The following VSIG4 variants were observed in gnomAD, a reference collection of about 807,000 sequenced individuals.
VSIG4 encodes V-set and immunoglobulin domain containing 4, also known as V-set and immunoglobulin domain-containing protein 4.
A neutral mutation model predicts 23.4 loss-of-function variants in VSIG4; 34 were observed. The ratio of observed to expected loss-of-function variants is 1.45; its 90% CI spans 1.10 to 1.93. The LOEUF (loss-of-function observed/expected upper bound fraction) is 1.93. VSIG4 is among the 30% of genes most tolerant of loss of function. The probability of loss-of-function intolerance (pLI) is 0.00; values close to 1 mark genes in which losing one functional copy is unlikely to be tolerated. For synonymous variants in VSIG4, 169 were observed against 120.3 expected (o/e 1.41, Z -2.65); for missense variants, 433 against 310.8 (o/e 1.39, Z -2.96).
At chrX:66,035,852 G>T (rs1316134165) in intron 1 of VSIG4, among the ~76,000 whole-genome samples, 6 of 112,354 alleles carry the variant, frequency 5.3e-5, no homozygotes, top group Non-Finnish European at 1.1e-4. Flanking sequence ...GCAGCATTCT[G>T]CTGTGAGTTG....
chrX:66,029,477 A>G (rs1415681160), intron 3 of VSIG4, among the ~76,000 whole-genome samples: 2 of 111,726 alleles, frequency 1.8e-5, no homozygotes, highest in Non-Finnish European at 3.8e-5. Flanking sequence ...GTAGACAGGT[A>G]GAATTCTGCA....
chrX:66,025,086 C>A lies in VSIG4; in HGVS notation c.879G>T (p.Leu293Phe), dbSNP rs770459645. The A allele has an allele frequency of 2.3e-5, 28 of 1,205,268 alleles. No individual in the cohort carries two copies. Among genetic ancestry groups the A allele is most frequent in the Non-Finnish European group, 3.1e-5 (28 of 892,525 alleles). Residue 293 changes from leucine to phenylalanine, a missense_variant, in exon 6 of 8, where the codon TTG becomes TTT. By Grantham distance (22) the Leu-to-Phe change is conservative (BLOSUM62 0). Coordinates refer to ENST00000374737, the MANE Select transcript of VSIG4 (RefSeq NM_007268.3). The stretch of plus-strand genomic sequence containing the variant: ...CCATGGTAAAAACCACCATACAGCA[C>A]AAGGAGATGATGAGGATGATGGCAA... Reference protein sequence around the residue: ...PVFAIILIISLCCMVVFTMAY... With the variant: ...PVFAIILIISFCCMVVFTMAY...
At chrX:66,032,439 G>T in intron 3 of VSIG4, 29 bp downstream of exon 3, 1 of 1,195,900 alleles carries the variant, frequency 8.4e-7, no homozygotes, top group Non-Finnish European at 1.1e-6. Context: ...TGTGTGTTAA[G>T]ATGCTCACCA....
chrX:66,025,214 A>G, intron 5 of VSIG4, 85 bp from the exon 6 acceptor site: 1 of 644,081 alleles, frequency 1.6e-6, no homozygotes, highest in Non-Finnish European at 2.3e-6. Flanking sequence ...AGACTAAGCC[A>G]GGCCTTTTTC....
intron 1 of VSIG4, among the ~76,000 whole-genome samples, chrX:66,036,607 AAATAT>A (rs1258485249): frequency 1.2e-5 from 1 of 83,823 alleles, no homozygotes; most frequent in African/African-American, 4.5e-5. Context: ...AATATAATAA[AAATAT>A]AATATAATAT....
chrX:66,036,820 AT>A (rs1243501003), intron 1 of VSIG4, among the ~76,000 whole-genome samples: 2 of 39,662 alleles, frequency 5.0e-5, no homozygotes, highest in African/African-American at 2.5e-4. Context: ...ATTATATATT[AT>A]TATATATATA....
At chrX:66,037,397 T>C (rs1389606757) in intron 1 of VSIG4, among the ~76,000 whole-genome samples, 18 of 36,718 alleles carry the variant, frequency 4.9e-4, no homozygotes, top group Admixed American at 1.7e-3. Context: ...ATATATTATG[T>C]AATAATATTA....
At position 66,032,588 on chromosome X, in the gene VSIG4, T is replaced by A. The variant is rs779989545; in HGVS notation, c.574A>T (p.Thr192Ser). 6 of 1,211,138 alleles carry A rather than the reference T, an allele frequency of 5.0e-6. No individual in the cohort carries two copies. The South Asian group carries it at 1.1e-4, about 21-fold the overall frequency. ...TNNQEPIKVA[T>S]LSTLLFKPAV... ...GGCTTGAAGAGTAAGGTACTTAGGG[T>A]TGCTACTTTGATGGGTTCCTGGTTA... Residue 192 changes from threonine to serine, a missense_variant, in exon 3 of 8, where the codon ACC becomes TCC. By Grantham distance (58) the Thr-to-Ser change is moderately conservative. Transcript: ENST00000374737.
chrX:66,032,627 T>C lies in VSIG4; in HGVS notation c.535A>G (p.Lys179Glu). The C allele has an allele frequency of 8.3e-7, 1 of 1,211,226 alleles. No individual in the cohort carries two copies. Among genetic ancestry groups the C allele is most frequent in the Non-Finnish European group, 1.1e-6 (1 of 895,357 alleles). ...GGTTCCTGGTTATTAGTCTGTTGCT[T>C]ATACCAAATATAACTGATGGGAGGA... Reference protein sequence around the residue: ...GSPPISYIWYKQQTNNQEPIK... With the variant: ...GSPPISYIWYEQQTNNQEPIK... Residue 179 changes from lysine to glutamate, a missense_variant, in exon 3 of 8, where the codon AAG (lysine) becomes GAG (glutamate). Transcript: ENST00000374737.
Position 66,028,558 on chromosome X carries a change from C to CTTTTTTTTTTTTTTTT in VSIG4, c.695-462_695-447dup, listed in dbSNP as rs34660062. Among the ~76,000 whole-genome samples, 3 of 74,254 alleles carry CTTTTTTTTTTTTTTTT rather than the reference C, an allele frequency of 4.0e-5. 1 individual carries two copies. The highest frequency in any genetic ancestry group is 1.4e-4 in the African/African-American group (3 of 20,805). 64.5% of individuals were successfully genotyped at this position (74,254 alleles called of 115,157 possible). On this transcript the variant is annotated intron_variant, in intron 3 of 7. Coordinates refer to ENST00000374737, the MANE Select transcript of VSIG4 (RefSeq NM_007268.3). ...ATAATGCAAAATTTGACGTAATCAA[C>CTTTTTTTTTTTTTTTT]TTTTTTTTTTTTTTTTTTTTTTTTT...
Position 66,022,057 on chromosome X carries a change from G to A in VSIG4, c.*206C>T. On this transcript the variant is annotated 3_prime_UTR_variant, in exon 8 of 8. Coordinates refer to ENST00000374737, the MANE Select transcript of VSIG4 (RefSeq NM_007268.3). ...GAAGCCCCCGGCAGAGATACTAGAA[G>A]GGCCCAGAGCCAAATCCAGCAGCTG... 1.7e-6 allele frequency: 2 copies of A among 1,163,053 alleles called. No individual in the cohort carries two copies. The highest frequency in any genetic ancestry group is 2.3e-6 in the Non-Finnish European group (2 of 870,676).
intron 1 of VSIG4, among the ~76,000 whole-genome samples, chrX:66,037,969 A>G (rs1424134767): frequency 1.8e-5 from 2 of 108,605 alleles, no homozygotes; most frequent in Non-Finnish European, 3.8e-5. Context: ...CCTTCCTCCC[A>G]TCATCACAAA....
At chrX:66,026,233 C>G (rs1311202364) in intron 5 of VSIG4, among the ~76,000 whole-genome samples, 1 of 111,849 alleles carries the variant, frequency 8.9e-6, no homozygotes, top group Non-Finnish European at 1.9e-5. Context: ...GTTGCTGCAA[C>G]TGGCTTGTTT....
At chrX:66,036,862 AATATATTATATT>A (rs1449842021) in intron 1 of VSIG4, among the ~76,000 whole-genome samples, 3 of 40,288 alleles carry the variant, frequency 7.4e-5, no homozygotes, top group Admixed American at 5.1e-4. Context: ...TATATATAAT[AATATATTATATT>A]ATATATTATA....
At chrX:66,028,226 C>T in intron 3 of VSIG4, 114 bp from the exon 4 acceptor site, 1 of 577,030 alleles carries the variant, frequency 1.7e-6, no homozygotes, top group Non-Finnish European at 3.0e-6. Context: ...TTGGACCTGC[C>T]TCAACACTTC....
At chrX:66,028,557 ACTT>A in intron 3 of VSIG4, among the ~76,000 whole-genome samples, 1 of 89,398 alleles carries the variant, frequency 1.1e-5, no homozygotes. Context: ...GACGTAATCA[ACTT>A]TTTTTTTTTT....
chrX:66,026,100 A>G, intron 5 of VSIG4, among the ~76,000 whole-genome samples: 1 of 112,214 alleles, frequency 8.9e-6, no homozygotes, highest in African/African-American at 3.2e-5. Context: ...GTTACCCCAT[A>G]AGTTCAATGA....
chrX:66,031,431 C>G (rs1055773048), intron 3 of VSIG4, among the ~76,000 whole-genome samples: 1 of 109,694 alleles, frequency 9.1e-6, no homozygotes, highest in African/African-American at 3.3e-5. Flanking sequence ...ATCCTCACTA[C>G]AGCTTAACTT....
In VSIG4 at chrX:66,039,990, G is replaced by C. The variant is rs2085665661; in HGVS notation, c.9C>G (p.Ile3Met). 3 of 1,210,112 alleles carry C rather than the reference G, an allele frequency of 2.5e-6. No individual in the cohort carries two copies. Among genetic ancestry groups the C allele is most frequent in the Non-Finnish European group, 3.4e-6 (3 of 895,081 alleles). MGILLGLLLLGHL... is the reference protein window; with the variant it reads MGMLLGLLLLGHL... ...GCCCCAGGAGTAGCAGGCCCAGTAA[G>C]ATCCCCATCACAGCCAGAGCTACTT... The change falls in exon 1 of 8, where the codon ATC becomes ATG. Residue 3 changes from isoleucine to methionine, a missense_variant. Transcript: ENST00000374737.
Sources: gnomAD v4.1 joint callset for allele counts (sites outside exome capture counted in the v4.1 genomes callset) on GRCh38, gnomAD v4.1.1 for gene constraint, MANE v1.5 for transcripts, NCBI Gene and HGNC (gene_info 2026-07-23, HGNC 2026-07-21) for gene names.